Variants in VEGFC observed in about 807,000 individuals in gnomAD.
The protein encoded by VEGFC is vascular endothelial growth factor C.
VEGFC carries 12 observed loss-of-function variants against 46.1 expected under a neutral mutation model. The ratio of observed to expected loss-of-function variants is 0.26; its 90% CI spans 0.17 to 0.42. VEGFC has a LOEUF of 0.42. Among genes scored for constraint, VEGFC ranks in the 10% least tolerant of loss-of-function variants. The pLI is 1.00. For synonymous variants in VEGFC, 232 were observed against 195.5 expected, an observed-to-expected ratio of 1.19 and a Z score of -1.56; for missense variants, 488 against 529.4, an observed-to-expected ratio of 0.92 and a Z score of 0.77.
rs1296535225 is a variant in VEGFC, at chr4:176,729,548, T to A, written c.346A>T (p.Thr116Ser). The A allele has an allele frequency of 6.2e-7, 1 of 1,613,180 alleles. No homozygotes were observed. The highest frequency in any genetic ancestry group is 8.5e-7 in the Non-Finnish European group (1 of 1,179,756). ...TIKFAAAHYN[T>S]EILKSIDNEW... Reference sequence around the variant, plus strand: ...CCATACTTACTTTTCAAGATCTCTGTATTATAATGTGCTGCAGCAAATTTT... The same window carrying A: ...CCATACTTACTTTTCAAGATCTCTGAATTATAATGTGCTGCAGCAAATTTT... Residue 116 changes from threonine to serine, a missense_variant, in exon 2 of 7, where the codon ACA becomes TCA. By Grantham distance (58) the Thr-to-Ser change is moderately conservative. Transcript: ENST00000618562.
At chr4:176,739,386 T>C (rs1265534669) in intron 1 of VEGFC, among the ~76,000 whole-genome samples, 4 of 151,892 alleles carry the variant, frequency 2.6e-5, no homozygotes, top group South Asian at 4.1e-4. Context: ...ATGTGGTACA[T>C]ATACACTATG....
intron 1 of VEGFC, among the ~76,000 whole-genome samples, chr4:176,782,142 C>T (rs949982468): frequency 2.6e-5 from 4 of 152,140 alleles, no homozygotes; most frequent in African/African-American, 9.7e-5. Context: ...CTGTTTCTAA[C>T]AATAAAAATG....
At chr4:176,768,046 A>G (rs1735659890) in intron 1 of VEGFC, among the ~76,000 whole-genome samples, 1 of 152,134 alleles carries the variant, frequency 6.6e-6, no homozygotes, top group Non-Finnish European at 1.5e-5. Context: ...GACTTGACCA[A>G]CTCGGAGCAA....
chr4:176,722,009 T>C (rs1647406578), intron 3 of VEGFC, among the ~76,000 whole-genome samples: 2 of 152,118 alleles, frequency 1.3e-5, no homozygotes, highest in South Asian at 4.1e-4. Context: ...CTTCAAATCT[T>C]TAAAAAATTA....
chr4:176,780,983 A>G (rs1296543161), intron 1 of VEGFC, among the ~76,000 whole-genome samples: 1 of 152,206 alleles, frequency 6.6e-6, no homozygotes, highest in African/African-American at 2.4e-5. Context: ...ACATTTTTCT[A>G]AAGTAAAACA....
At chr4:176,694,136 C>T (rs1458813971) in intron 4 of VEGFC, among the ~76,000 whole-genome samples, 1 of 151,614 alleles carries the variant, frequency 6.6e-6, no homozygotes, top group Non-Finnish European at 1.5e-5. Flanking sequence ...ACAATATTAA[C>T]TTTAAATGTC....
At chr4:176,750,277 C>T (rs186026269) in intron 1 of VEGFC, among the ~76,000 whole-genome samples, 12 of 151,684 alleles carry the variant, frequency 7.9e-5, no homozygotes, top group African/African-American at 1.2e-4. Flanking sequence ...GTAATTATGA[C>T]TATGTGGATT....
At chr4:176,775,520 G>T (rs1197623641) in intron 1 of VEGFC, among the ~76,000 whole-genome samples, 6 of 152,118 alleles carry the variant, frequency 3.9e-5, no homozygotes, top group Admixed American at 3.3e-4. Flanking sequence ...TGTAATTGCA[G>T]TTAAAACAGT....
chr4:176,687,617 T>C (rs1734068216), intron 5 of VEGFC, 97 bp from the exon 6 acceptor site: 10 of 1,276,704 alleles, frequency 7.8e-6, no homozygotes, highest in South Asian at 3.2e-5. Context: ...TTGTATGTTT[T>C]CCATCAAAGG....
At position 176,758,554 on chromosome 4, in the gene VEGFC, G is replaced by A. The variant is rs189401655; in HGVS notation, c.148-28808C>T. Among the ~76,000 whole-genome samples the A allele has an allele frequency of 2.6e-5, 4 of 152,170 alleles. No homozygotes were observed. In the East Asian group the frequency reaches 5.8e-4, roughly 22 times the overall value. Reference sequence around the variant, plus strand: ...TGAATTAAATGTGGTTATCAATCTCGATTGTTGTCAGGGAGGATGTAAGGT... The same window carrying A: ...TGAATTAAATGTGGTTATCAATCTCAATTGTTGTCAGGGAGGATGTAAGGT... On this transcript the variant is annotated intron_variant, in intron 1 of 6. Transcript: ENST00000618562.
intron 1 of VEGFC, among the ~76,000 whole-genome samples, chr4:176,783,520 T>C (rs568346714): frequency 6.6e-6 from 1 of 152,368 alleles, no homozygotes; most frequent in African/African-American, 2.4e-5. Context: ...TCTGAATATA[T>C]TCAAGATGAG....
chr4:176,725,125 T>C (rs1734851677), intron 3 of VEGFC, among the ~76,000 whole-genome samples: 1 of 152,162 alleles, frequency 6.6e-6, no homozygotes, highest in African/African-American at 2.4e-5. Flanking sequence ...ATATCCCAAT[T>C]ACCCTGATTT....
chr4:176,704,741 T>A (rs80318329), intron 4 of VEGFC, among the ~76,000 whole-genome samples: 10,039 of 152,216 alleles, frequency 0.066, 435 homozygotes, highest in Middle Eastern at 0.099. Context: ...TCTCTGCATA[T>A]ATACTTTTAG....
At chr4:176,791,665 A>G (rs544373740) in intron 1 of VEGFC, among the ~76,000 whole-genome samples, 2 of 152,280 alleles carry the variant, frequency 1.3e-5, no homozygotes, top group African/African-American at 4.8e-5. Flanking sequence ...CCTGGTTACT[A>G]AAGTCCCTGA....
In VEGFC at chr4:176,696,807, C is replaced by G. The variant is rs2110979845; in HGVS notation, c.705-8880G>C. On this transcript the variant is annotated intron_variant, in intron 4 of 6. Transcript: ENST00000618562. Reference sequence around the variant, plus strand: ...AGAGATATAGATCAATGGAACAGAACAGAGCCCTCAGAAATAACGCCGCAT... The same window carrying G: ...AGAGATATAGATCAATGGAACAGAAGAGAGCCCTCAGAAATAACGCCGCAT... 1.3e-5 allele frequency among the ~76,000 whole-genome samples: 2 copies of G among 152,266 alleles called. 1 individual carries two copies. Among genetic ancestry groups the G allele is most frequent in the South Asian group, 4.1e-4 (2 of 4,822 alleles).
At chr4:176,747,355 A>G (rs1005698673) in intron 1 of VEGFC, among the ~76,000 whole-genome samples, 1 of 152,268 alleles carries the variant, frequency 6.6e-6, no homozygotes, top group East Asian at 1.9e-4. Flanking sequence ...AGTAAACATA[A>G]AGGCAGAAAT....
intron 1 of VEGFC, among the ~76,000 whole-genome samples, chr4:176,751,506 T>C (rs1579122638): frequency 6.6e-6 from 1 of 151,952 alleles, no homozygotes; most frequent in Admixed American, 6.6e-5. Context: ...CAGTACTAAT[T>C]GCAGCAGCAA....
intron 3 of VEGFC, among the ~76,000 whole-genome samples, chr4:176,725,890 A>C (rs1734867042): frequency 6.6e-6 from 1 of 152,130 alleles, no homozygotes; most frequent in African/African-American, 2.4e-5. Flanking sequence ...CTTTCAAAGA[A>C]TATCTGCTTG....
chr4:176,751,928 T>C (rs1292846612), intron 1 of VEGFC, among the ~76,000 whole-genome samples: 1 of 151,838 alleles, frequency 6.6e-6, no homozygotes, highest in Non-Finnish European at 1.5e-5. Context: ...CTGAGGCTTT[T>C]AGGTCTCTGT....
Sources: allele counts gnomAD v4.1 joint callset (sites outside exome capture counted in the v4.1 genomes callset), GRCh38; gene constraint gnomAD v4.1.1; transcripts MANE v1.5; gene names NCBI Gene and HGNC (gene_info 2026-07-23, HGNC 2026-07-21).